Variants in VRK2 observed in about 807,000 individuals in gnomAD.
The protein encoded by VRK2 is VRK serine/threonine kinase 2.
VRK2 carries 60 observed loss-of-function variants against 57.6 expected under a neutral mutation model. The observed-to-expected ratio is 1.04, with a 90% CI of 0.85 to 1.29. VRK2 has a LOEUF of 1.29. Ranked by LOEUF, VRK2 falls within the 50% of genes most tolerant of loss-of-function variation. VRK2 has a pLI of 0.00. For missense variants in VRK2, 705 were observed against 588.1 expected (o/e 1.20, Z -2.06); for synonymous variants, 231 against 199.2 (o/e 1.16, Z -1.35).
chr2:58,091,838 A>G (rs1269194172), intron 7 of VRK2, among the ~76,000 whole-genome samples: 3 of 152,198 alleles, frequency 2.0e-5, no homozygotes, highest in Non-Finnish European at 4.4e-5. Flanking sequence ...TAAGGAGACC[A>G]AAACAGCGAG....
At chr2:58,055,909 C>T (rs1338136335) in intron 2 of VRK2, among the ~76,000 whole-genome samples, 1 of 152,090 alleles carries the variant, frequency 6.6e-6, no homozygotes, top group Non-Finnish European at 1.5e-5. Context: ...CTTAGTTAAC[C>T]AAAATGTTAG....
chr2:58,146,625 A>G, intron 12 of VRK2, 151 bp downstream of exon 12: 1 of 902,392 alleles, frequency 1.1e-6, no homozygotes, highest in Non-Finnish European at 1.6e-6. Context: ...GCCAGCTGAT[A>G]AAATTAAAGC....
At chr2:58,139,876 T>C in intron 11 of VRK2, 44 bp downstream of exon 11, 1 of 1,497,990 alleles carries the variant, frequency 6.7e-7, no homozygotes. Flanking sequence ...CCTTCTATGA[T>C]ACTTTTCTAT....
At chr2:58,089,100 T>C (rs1672024084) in intron 6 of VRK2, among the ~76,000 whole-genome samples, 1 of 152,228 alleles carries the variant, frequency 6.6e-6, no homozygotes, top group African/African-American at 2.4e-5. Flanking sequence ...CAAATGTTTA[T>C]TGAGTACTAA....
At chr2:58,045,519 A>G (rs1674674432), upstream of VRK2, among the ~76,000 whole-genome samples, 1 of 152,254 alleles carries the variant, frequency 6.6e-6, no homozygotes, top group Admixed American at 6.5e-5. Context: ...TGTTATATAA[A>G]TATCTTAAGA....
rs970191502 is a variant in VRK2, at chr2:58,063,493, C to G, written c.136+14526C>G. On this transcript the variant is annotated intron_variant, in intron 2 of 12. Transcript: ENST00000340157. ...GCATGTAACAGATTTTCTCATGTAC[C>G]CCATACATTTGCATGAATAATAGAG... Among the ~76,000 whole-genome samples the G allele has an allele frequency of 5.3e-5, 8 of 151,856 alleles. No individual in the cohort carries two copies. In the East Asian group the frequency reaches 1.2e-3, roughly 22 times the overall value.
chr2:58,058,044 T>G (rs1676790911), intron 2 of VRK2, among the ~76,000 whole-genome samples: 1 of 152,056 alleles, frequency 6.6e-6, no homozygotes. Flanking sequence ...AATAGAGTAT[T>G]TAAATATGAG....
intron 1 of VRK2, among the ~76,000 whole-genome samples, chr2:57,991,382 G>C (rs1480761407): frequency 2.0e-5 from 3 of 148,652 alleles, no homozygotes; most frequent in African/African-American, 7.5e-5. Context: ...AAAAAAAAAA[G>C]CGAAAAAGTG....
At chr2:58,155,668 G>A (rs1573446185) in intron 12 of VRK2, among the ~76,000 whole-genome samples, 1 of 151,892 alleles carries the variant, frequency 6.6e-6, no homozygotes, top group Admixed American at 6.6e-5. Context: ...GGGTAGGTGT[G>A]CTCCCTGGTT....
At chr2:58,093,202 TG>T (rs1457208501) in intron 7 of VRK2, among the ~76,000 whole-genome samples, 1 of 152,200 alleles carries the variant, frequency 6.6e-6, no homozygotes, top group African/African-American at 2.4e-5. Context: ...CTGGGTCAAA[TG>T]GTGTTTCTAG....
In VRK2 at chr2:58,134,088, A is replaced by C. The variant is rs372768688; in HGVS notation, c.798-1053A>C. On this transcript the variant is annotated intron_variant, in intron 9 of 12. Coordinates refer to ENST00000340157, the MANE Select transcript of VRK2 (RefSeq NM_006296.7). ...GCCCCAGAAGCCACCTCAGAAGCCA[A>C]GTCTCACTCTGACCTTCTCCTGCCC... 1.8e-4 allele frequency among the ~76,000 whole-genome samples: 28 copies of C among 152,222 alleles called. No individual in the cohort carries two copies. In the East Asian group the frequency reaches 4.8e-3, roughly 26 times the overall value.
At chr2:58,047,496 C>A in intron 1 of VRK2, 1 of 984,160 alleles carries the variant, frequency 1.0e-6, no homozygotes, top group Non-Finnish European at 1.2e-6. Flanking sequence ...TCTCCCTTAC[C>A]GCCTCAAGCC....
At chr2:57,970,396 G>C (rs1350084187) in intron 1 of VRK2, among the ~76,000 whole-genome samples, 1 of 151,112 alleles carries the variant, frequency 6.6e-6, no homozygotes, top group Non-Finnish European at 1.5e-5. Flanking sequence ...AAATGTAAAA[G>C]AATTGTCTAT....
chr2:58,082,025 A>G (rs1473915030), intron 2 of VRK2, among the ~76,000 whole-genome samples: 1 of 151,870 alleles, frequency 6.6e-6, no homozygotes, highest in Non-Finnish European at 1.5e-5. Context: ...CTCTTTGTTC[A>G]TATGAAGCAC....
intron 1 of VRK2, among the ~76,000 whole-genome samples, chr2:58,011,164 C>G (rs1165643371): frequency 6.6e-6 from 1 of 152,134 alleles, no homozygotes; most frequent in Non-Finnish European, 1.5e-5. Context: ...TCAGAGAAGA[C>G]AATTGAAGTC....
At chr2:58,114,985 G>A (rs370583915) in intron 7 of VRK2, among the ~76,000 whole-genome samples, 1 of 152,282 alleles carries the variant, frequency 6.6e-6, no homozygotes, top group African/African-American at 2.4e-5. Flanking sequence ...GTAGGGAAGG[G>A]AGGGGGCCTG....
intron 1 of VRK2, among the ~76,000 whole-genome samples, chr2:57,909,476 GT>G (rs1553358126): frequency 2.7e-5 from 3 of 111,580 alleles, no homozygotes; most frequent in Non-Finnish European, 6.0e-5. Context: ...GTGTGTGTGT[GT>G]TTTTTTTTTA....
intron 2 of VRK2, among the ~76,000 whole-genome samples, chr2:58,074,916 A>T (rs1669875356): frequency 6.6e-6 from 1 of 152,044 alleles, no homozygotes; most frequent in Non-Finnish European, 1.5e-5. Flanking sequence ...ATTTTATTTT[A>T]AGTTCAAGTG....
At chr2:58,103,886 A>G (rs1341012362) in intron 7 of VRK2, among the ~76,000 whole-genome samples, 4 of 151,838 alleles carry the variant, frequency 2.6e-5, no homozygotes, top group Non-Finnish European at 2.9e-5. Flanking sequence ...CATTAAAAAG[A>G]TAATACACCA....
Sources: gnomAD v4.1 joint callset for allele counts (sites outside exome capture counted in the v4.1 genomes callset) on GRCh38, gnomAD v4.1.1 for gene constraint, MANE v1.5 for transcripts, NCBI Gene and HGNC (gene_info 2026-07-23, HGNC 2026-07-21) for gene names.